The following DNAH8 variants were observed in gnomAD, a reference collection of about 807,000 sequenced individuals.
The protein encoded by DNAH8 is dynein axonemal heavy chain 8, also known as axonemal beta dynein heavy chain 8.
In DNAH8, 382 loss-of-function variants were observed where a neutral mutation model predicts 562.1. The ratio of observed to expected loss-of-function variants is 0.68; its 90% CI spans 0.63 to 0.74. The LOEUF is 0.74. DNAH8 is among the 30% of genes least tolerant of loss of function. The pLI, the probability that DNAH8 is intolerant of heterozygous loss-of-function variation, is 0.00. For synonymous variants in DNAH8, 1,881 were observed against 1,919.4 expected (o/e 0.98, Z 0.52); for missense variants, 5,203 against 5,620.4 (o/e 0.93, Z 2.37).
rs1262822591 is a variant in DNAH8, at chr6:38,755,943, G to T, written c.1408-29G>T. 7.4e-6 allele frequency: 9 copies of T among 1,211,094 alleles called. No homozygotes were observed. The African/African-American group carries it at 1.3e-4, about 18-fold the overall frequency. The allele number at this position is 1,211,094 out of a possible 1,614,324, so 75.0% of individuals were successfully genotyped here. A position where few individuals can be genotyped will look rare whatever the true frequency, so the allele number is the denominator to read the frequency against. Reference sequence around the variant, plus strand: ...GTTATTAAAACTATATGCATATGATGGAATTCACTTAATTTGTTTCAATGT... The same window carrying T: ...GTTATTAAAACTATATGCATATGATTGAATTCACTTAATTTGTTTCAATGT... On this transcript the variant is annotated intron_variant, in intron 9 of 92. Coordinates refer to ENST00000327475, the MANE Select transcript of DNAH8 (RefSeq NM_001206927.2).
chr6:38,739,138 A>G (rs1764335190), intron 7 of DNAH8, among the ~76,000 whole-genome samples: 1 of 151,850 alleles, frequency 6.6e-6, no homozygotes, highest in South Asian at 2.1e-4. Context: ...ATTTTTTTGG[A>G]TGGCTTGATG....
At chr6:38,960,759 CTA>C in intron 82 of DNAH8, among the ~76,000 whole-genome samples, 1 of 152,010 alleles carries the variant, frequency 6.6e-6, no homozygotes, top group African/African-American at 2.4e-5. Flanking sequence ...AGTGCTGCTA[CTA>C]AATACATATC....
intron 12 of DNAH8, among the ~76,000 whole-genome samples, chr6:38,771,982 G>A (rs1038816780): frequency 1.3e-5 from 2 of 151,404 alleles, no homozygotes; most frequent in Non-Finnish European, 2.9e-5. Flanking sequence ...TGCCAAAGTA[G>A]CTGCATCATT....
intron 56 of DNAH8, among the ~76,000 whole-genome samples, chr6:38,884,652 C>T (rs1778780436): frequency 6.6e-6 from 1 of 152,188 alleles, no homozygotes; most frequent in Non-Finnish European, 1.5e-5. Flanking sequence ...ACTTCAGTGT[C>T]CTTTCTTAGC....
Position 38,969,034 on chromosome 6 carries a change from C to T in DNAH8, c.12452-2558C>T, listed in dbSNP as rs1398934516. The stretch of plus-strand genomic sequence containing the variant: ...CTGAAGGAAGACAGACACAAAAGAC[C>T]ATATATTGCATAATTCCATTTAATG... On this transcript the variant is annotated intron_variant, in intron 82 of 92. Coordinates refer to ENST00000327475, the MANE Select transcript of DNAH8 (RefSeq NM_001206927.2). Among the ~76,000 whole-genome samples, 3 of 152,042 alleles carry T rather than the reference C, an allele frequency of 2.0e-5. No individual in the cohort carries two copies. In the East Asian group the frequency reaches 5.8e-4, roughly 29 times the overall value.
chr6:38,982,658 A>G (rs933171385), intron 86 of DNAH8, among the ~76,000 whole-genome samples, 196 bp downstream of exon 86: 3 of 152,266 alleles, frequency 2.0e-5, no homozygotes, highest in Non-Finnish European at 2.9e-5. Context: ...TCTGAAGCTA[A>G]CTAACTCAGT....
In DNAH8 at chr6:38,980,680, C is replaced by A. The variant is rs189818549; in HGVS notation, c.12835-1666C>A. On this transcript the variant is annotated intron_variant, in intron 85 of 92. Transcript: ENST00000327475. ...TGTCACATAGCGCAAATCTCTAATGCCTGACAACCTTAACTAAAGAAGTTT... is the reference window on the plus strand; with the variant it reads ...TGTCACATAGCGCAAATCTCTAATGACTGACAACCTTAACTAAAGAAGTTT... Among the ~76,000 whole-genome samples the A allele has an allele frequency of 2.6e-5, 4 of 152,206 alleles. No individual in the cohort carries two copies. The East Asian group carries it at 5.8e-4, about 22-fold the overall frequency.
rs773765384 is a variant in DNAH8, at chr6:39,027,556, G to A, written c.13836+889G>A. ...TATTAAAGGAGTTGTGGCCAGGCAC[G>A]GTGGCTCACGCCTGTAATCCCAGCA... is the stretch of plus-strand genomic sequence containing the variant. On this transcript the variant is annotated intron_variant, in intron 92 of 92. Coordinates refer to ENST00000327475, the MANE Select transcript of DNAH8 (RefSeq NM_001206927.2). Among the ~76,000 whole-genome samples, 5 of 152,170 alleles carry A rather than the reference G, an allele frequency of 3.3e-5. No homozygotes were observed. The East Asian group carries it at 5.8e-4, about 18-fold the overall frequency.
At chr6:38,784,857 T>TA (rs1472282523) in intron 17 of DNAH8, among the ~76,000 whole-genome samples, 1 of 152,210 alleles carries the variant, frequency 6.6e-6, no homozygotes, top group Admixed American at 6.5e-5. Flanking sequence ...CCATTTAAAA[T>TA]ACTGTACTGT....
At chr6:38,890,621 G>A in intron 57 of DNAH8, 31 bp from the exon 58 acceptor site, 1 of 1,460,504 alleles carries the variant, frequency 6.8e-7, no homozygotes, top group Non-Finnish European at 9.6e-7. Context: ...CTTTTGGTAA[G>A]CTTATACCTT....
intron 45 of DNAH8, among the ~76,000 whole-genome samples, chr6:38,866,077 C>T (rs972228326): frequency 2.6e-5 from 4 of 152,100 alleles, no homozygotes; most frequent in African/African-American, 9.7e-5. Context: ...TTTATTTCCC[C>T]TCACTGCCAT....
At position 38,852,702 on chromosome 6, in the gene DNAH8, C is replaced by T; in HGVS notation, c.5475C>T (p.Leu1825=). Reference sequence around the variant, plus strand: ...TTTCCTCTGTCTTACAGCCGCATCTCCCTGCAGTATCTGACAACATCAATG... The same window carrying T: ...TTTCCTCTGTCTTACAGCCGCATCTTCCTGCAGTATCTGACAACATCAATG... ...ASDSHTIQPH[L]PAVSDNINEV... is the part of the protein sequence containing the mutation. The change falls in exon 40 of 93, where the codon CTC becomes CTT. Residue 1825 remains leucine (L), a synonymous_variant. Transcript: ENST00000327475. 1 of 1,612,716 alleles carries T rather than the reference C, an allele frequency of 6.2e-7. No homozygotes were observed. The highest frequency in any genetic ancestry group is 8.5e-7 in the Non-Finnish European group (1 of 1,179,080).
At chr6:39,010,760 A>T (rs1561972774) in intron 89 of DNAH8, among the ~76,000 whole-genome samples, 2 of 146,536 alleles carry the variant, frequency 1.4e-5, no homozygotes. Context: ...ATATATAGAT[A>T]TAATTTATAT....
Position 38,866,872 on chromosome 6 carries a change from A to G in DNAH8, c.6689A>G (p.Lys2230Arg), listed in dbSNP as rs1563044711. 1 of 1,588,726 alleles carries G rather than the reference A, an allele frequency of 6.3e-7. No homozygotes were observed. The highest frequency in any genetic ancestry group is 2.2e-5 in the East Asian group (1 of 44,634). The change falls in exon 47 of 93, where the codon AAA (lysine) becomes AGA (arginine). Residue 2230 changes from lysine to arginine, a missense_variant. Lys to Arg is a conservative substitution (Grantham distance 26, BLOSUM62 2). Transcript: ENST00000327475. Reference sequence around the variant, plus strand: ...AAACTCTGTGAAGAGCAACTTACTAAACAGGTAACTTTATAGATCTGCTTT... The same window carrying G: ...AAACTCTGTGAAGAGCAACTTACTAGACAGGTAACTTTATAGATCTGCTTT... ...LYKLCEEQLT[K>R]QVHYDFGLRN...
Position 38,868,197 on chromosome 6 carries a change from G to A in DNAH8, c.6828+1G>A, listed in dbSNP as rs1432082494. The A allele has an allele frequency of 2.5e-6, 4 of 1,599,642 alleles. No individual in the cohort carries two copies. Among genetic ancestry groups the A allele is most frequent in the Non-Finnish European group, 3.4e-6 (4 of 1,176,032 alleles). ...AAGAGATATGAACCTTTCCAAACTG[G>A]TATCTTCTCTGAATTCTCTTCTTTT... is the stretch of plus-strand genomic sequence containing the variant. On this transcript the variant is annotated splice_donor_variant, in intron 48 of 92. Coordinates refer to ENST00000327475, the MANE Select transcript of DNAH8 (RefSeq NM_001206927.2). LOFTEE classifies it high-confidence loss of function.
At chr6:38,899,650 C>A in intron 61 of DNAH8, 126 bp from the exon 62 acceptor site, 2 of 982,082 alleles carry the variant, frequency 2.0e-6, no homozygotes, top group Admixed American at 2.5e-5. Flanking sequence ...CTGTCATAGA[C>A]CATTAACGAG....
chr6:38,949,627 G>C, intron 81 of DNAH8, 57 bp downstream of exon 81: 1 of 1,052,354 alleles, frequency 9.5e-7, no homozygotes. Flanking sequence ...CTAAATTACA[G>C]ATTTTATCTC....
chr6:38,925,991 T>C, intron 73 of DNAH8, 64 bp from the exon 74 acceptor site: 10 of 1,389,386 alleles, frequency 7.2e-6, no homozygotes, highest in Non-Finnish European at 9.7e-6. Context: ...TACAGTACTT[T>C]TAATTACTAA....
chr6:38,984,945 G>A (rs13203863), intron 87 of DNAH8, among the ~76,000 whole-genome samples: 2,815 of 152,110 alleles, frequency 0.019, 36 homozygotes, highest in Non-Finnish European at 0.028. Flanking sequence ...TCCATCTTCC[G>A]CATTCCTGTG....
Sources: allele counts gnomAD v4.1 joint callset (sites outside exome capture counted in the v4.1 genomes callset), GRCh38; gene constraint gnomAD v4.1.1; transcripts MANE v1.5; gene names NCBI Gene and HGNC (gene_info 2026-07-23, HGNC 2026-07-21).